Variants in UIMC1 observed in about 807,000 individuals in gnomAD.
UIMC1 encodes the protein BRCA1-A complex subunit RAP80.
A neutral mutation model predicts 84.9 loss-of-function variants in UIMC1; 42 were observed. The observed-to-expected ratio is 0.49, with a 90% confidence interval of 0.39 to 0.64. The LOEUF (loss-of-function observed/expected upper bound fraction) is 0.64, where lower values mean the gene tolerates loss of function less well. Among genes scored for constraint, UIMC1 ranks in the 30% least tolerant of loss-of-function variants. UIMC1 has a pLI of 0.00. For missense variants in UIMC1, 825 were observed against 847.6 expected, an observed-to-expected ratio of 0.97 and a Z score of 0.33; for synonymous variants, 281 against 293.0, an observed-to-expected ratio of 0.96 and a Z score of 0.42.
intron 3 of UIMC1, among the ~76,000 whole-genome samples, chr5:176,972,826 A>T (rs1769463612): frequency 6.6e-6 from 1 of 152,220 alleles, no homozygotes; most frequent in African/African-American, 2.4e-5. Flanking sequence ...ACCGACAATA[A>T]AAGAGGAAAC....
rs1004545068 is a variant in UIMC1, at chr5:176,927,217, A to C, written c.1598-15828T>G. On this transcript the variant is annotated intron_variant, in intron 10 of 14. Transcript: ENST00000511320. The stretch of plus-strand genomic sequence containing the variant: ...ATTTCTTTAAAAAAGAAAAAAAAAA[A>C]AAAAAAAAGCACCAGTAGTGTGTCA... Among the ~76,000 whole-genome samples, 4 of 138,098 alleles carry C rather than the reference A, an allele frequency of 2.9e-5. No individual in the cohort carries two copies. In the South Asian group the frequency reaches 9.2e-4, roughly 32 times the overall value. 90.6% of individuals were successfully genotyped at this position (138,098 alleles called of 152,430 possible).
intron 10 of UIMC1, among the ~76,000 whole-genome samples, chr5:176,916,082 C>T (rs1760949258): frequency 6.6e-6 from 1 of 152,198 alleles, no homozygotes; most frequent in Non-Finnish European, 1.5e-5. Context: ...TTGAAACCTA[C>T]TGCCCCTACA....
chr5:176,939,876 A>G (rs1581458002), intron 10 of UIMC1, among the ~76,000 whole-genome samples: 1 of 152,348 alleles, frequency 6.6e-6, no homozygotes, highest in East Asian at 1.9e-4. Flanking sequence ...AGCTATAAAG[A>G]CATATGATGC....
chr5:176,921,019 T>C (rs1761638489), intron 10 of UIMC1, among the ~76,000 whole-genome samples: 1 of 152,254 alleles, frequency 6.6e-6, no homozygotes, highest in South Asian at 2.1e-4. Flanking sequence ...ATGCTTTTTC[T>C]GTGTCCATTT....
intron 6 of UIMC1, among the ~76,000 whole-genome samples, chr5:176,959,762 T>C (rs915495892): frequency 2.7e-5 from 4 of 148,308 alleles, no homozygotes; most frequent in African/African-American, 1.0e-4. Flanking sequence ...CCAGGCGCGG[T>C]GGCTCACGCC....
chr5:176,917,718 G>A (rs561155627), intron 10 of UIMC1, among the ~76,000 whole-genome samples: 133 of 152,344 alleles, frequency 8.7e-4, no homozygotes, highest in Middle Eastern at 3.4e-3. Context: ...CCAGCGCTTC[G>A]GGAGGCCGAG....
chr5:176,941,757 A>G (rs1228209910), intron 10 of UIMC1, among the ~76,000 whole-genome samples: 1 of 152,136 alleles, frequency 6.6e-6, no homozygotes, highest in Non-Finnish European at 1.5e-5. Flanking sequence ...TAAACAGGCC[A>G]AATCAGAGGT....
chr5:176,937,346 T>C (rs1057070850), intron 10 of UIMC1, among the ~76,000 whole-genome samples: 1 of 151,990 alleles, frequency 6.6e-6, no homozygotes, highest in African/African-American at 2.4e-5. Context: ...ATACAAAAAA[T>C]TAGCCGAGCG....
intron 10 of UIMC1, among the ~76,000 whole-genome samples, chr5:176,939,344 GA>G (rs1764137134): frequency 6.6e-6 from 1 of 151,542 alleles, no homozygotes; most frequent in Non-Finnish European, 1.5e-5. Flanking sequence ...TGATAGAAAA[GA>G]AGCAAACTTC....
At chr5:176,971,730 G>A (rs868313692) in intron 3 of UIMC1, among the ~76,000 whole-genome samples, 1 of 151,966 alleles carries the variant, frequency 6.6e-6, no homozygotes, top group Non-Finnish European at 1.5e-5. Flanking sequence ...ACAACATGGT[G>A]AAACCCTGTC....
At chr5:176,984,042 G>A (rs1332739056) in intron 1 of UIMC1, among the ~76,000 whole-genome samples, 17 of 83,144 alleles carry the variant, frequency 2.0e-4, no homozygotes, top group East Asian at 8.8e-4. Context: ...CGGCCGCCCC[G>A]TCTGGGAAGT....
rs1581690775 is a variant in UIMC1, at chr5:176,995,840, T to C, written c.-9+10810A>G. Among the ~76,000 whole-genome samples, 7 of 64,122 alleles carry C rather than the reference T, an allele frequency of 1.1e-4. No individual in the cohort carries two copies. In the South Asian group the frequency reaches 4.8e-3, roughly 44 times the overall value. 42.1% of individuals were successfully genotyped at this position (64,122 alleles called of 152,430 possible). On this transcript the variant is annotated intron_variant, in intron 1 of 14. Transcript: ENST00000511320. ...CCTGGGCAACAAGAGTGAAACTCCATCTCAAAAAAAAAAAAAAAAAAAAAG... is the reference window on the plus strand; with the variant it reads ...CCTGGGCAACAAGAGTGAAACTCCACCTCAAAAAAAAAAAAAAAAAAAAAG...
intron 10 of UIMC1, among the ~76,000 whole-genome samples, chr5:176,917,401 G>C (rs1001120993): frequency 2.0e-5 from 3 of 151,720 alleles, no homozygotes; most frequent in African/African-American, 7.3e-5. Context: ...ACAAAATGCT[G>C]TCTCTACTGA....
chr5:176,948,003 C>T (rs1480894391), intron 9 of UIMC1, among the ~76,000 whole-genome samples: 2 of 151,978 alleles, frequency 1.3e-5, no homozygotes, highest in African/African-American at 4.8e-5. Context: ...CCATCCCTCC[C>T]CCACCCAATT....
intron 1 of UIMC1, among the ~76,000 whole-genome samples, chr5:176,994,583 A>G (rs1243732817): frequency 6.6e-6 from 1 of 151,906 alleles, no homozygotes; most frequent in South Asian, 2.1e-4. Flanking sequence ...TGGAGACTGG[A>G]GAGACCAATG....
At chr5:176,912,333 T>C (rs920260172) in intron 10 of UIMC1, among the ~76,000 whole-genome samples, 4 of 152,230 alleles carry the variant, frequency 2.6e-5, no homozygotes, top group Admixed American at 2.6e-4. Context: ...TAAAACTTTA[T>C]CTACAATAAC....
intron 10 of UIMC1, among the ~76,000 whole-genome samples, chr5:176,920,576 TCA>T (rs1169559094): frequency 2.6e-5 from 4 of 152,248 alleles, no homozygotes; most frequent in African/African-American, 2.4e-5. Context: ...AAATCCACTT[TCA>T]GATTGTTCAC....
chr5:177,000,801 G>A (rs1387988629), intron 1 of UIMC1, among the ~76,000 whole-genome samples: 2 of 151,996 alleles, frequency 1.3e-5, no homozygotes, highest in African/African-American at 2.4e-5. Flanking sequence ...TGCCCAGCCT[G>A]CATGTCTTCT....
chr5:176,994,111 C>T (rs914897718), intron 1 of UIMC1, among the ~76,000 whole-genome samples: 3 of 151,328 alleles, frequency 2.0e-5, no homozygotes, highest in African/African-American at 7.3e-5. Context: ...TTATTAAACA[C>T]ATAAACACTG....
Sources: allele counts gnomAD v4.1 joint callset (sites outside exome capture counted in the v4.1 genomes callset), GRCh38; gene constraint gnomAD v4.1.1; transcripts MANE v1.5; gene names NCBI Gene and HGNC (gene_info 2026-07-23, HGNC 2026-07-21).